MACROD2: variants seen among roughly 807,000 people sequenced by gnomAD.
MACROD2 encodes the protein ADP-ribose glycohydrolase MACROD2.
MACROD2 carries 36 observed loss-of-function variants against 70.4 expected under a neutral mutation model. That is an observed-to-expected ratio of 0.51 (90% CI 0.39 to 0.68). MACROD2 has a LOEUF of 0.68. MACROD2 is among the 30% of genes least tolerant of loss of function. The probability of loss-of-function intolerance (pLI) is 0.00; values close to 1 mark genes in which losing one functional copy is unlikely to be tolerated. For synonymous variants in MACROD2, 172 were observed against 178.8 expected, an observed-to-expected ratio of 0.96 and a Z score of 0.30; for missense variants, 496 against 538.4, an observed-to-expected ratio of 0.92 and a Z score of 0.78.
chr20:15,635,550 A>G (rs2049349998), intron 8 of MACROD2, among the ~76,000 whole-genome samples: 1 of 152,114 alleles, frequency 6.6e-6, no homozygotes, highest in African/African-American at 2.4e-5. Flanking sequence ...GTACTCTTGG[A>G]CATAAAGATG....
chr20:14,525,208 A>G (rs1309883424), intron 4 of MACROD2, among the ~76,000 whole-genome samples: 1 of 152,218 alleles, frequency 6.6e-6, no homozygotes, highest in Non-Finnish European at 1.5e-5. Flanking sequence ...GTATAATAGT[A>G]TTTCCATACA....
intron 6 of MACROD2, among the ~76,000 whole-genome samples, chr20:15,304,433 A>G (rs541708790): frequency 1.3e-5 from 2 of 152,346 alleles, no homozygotes; most frequent in South Asian, 4.1e-4. Context: ...AATAAGGAAC[A>G]TCAGCAAGAC....
intron 3 of MACROD2, among the ~76,000 whole-genome samples, chr20:14,419,615 T>A (rs191327351): frequency 6.6e-5 from 10 of 152,298 alleles, no homozygotes; most frequent in Admixed American, 6.5e-4. Flanking sequence ...TAAAATATTT[T>A]AAAAATGTAC....
intron 8 of MACROD2, among the ~76,000 whole-genome samples, chr20:15,588,919 A>T (rs182295762): frequency 6.6e-6 from 1 of 152,170 alleles, no homozygotes; most frequent in Non-Finnish European, 1.5e-5. Context: ...CCAGTTCCAA[A>T]GTCGCTTCCA....
At chr20:15,778,771 A>G (rs888807772) in intron 8 of MACROD2, among the ~76,000 whole-genome samples, 4 of 152,106 alleles carry the variant, frequency 2.6e-5, no homozygotes, top group African/African-American at 9.7e-5. Flanking sequence ...TTTATTATCT[A>G]TAAACACAGA....
intron 2 of MACROD2, among the ~76,000 whole-genome samples, chr20:14,057,918 G>A (rs1009861030): frequency 6.6e-6 from 1 of 152,102 alleles, no homozygotes; most frequent in Admixed American, 6.6e-5. Context: ...AAATAAACTA[G>A]ACACAAATAC....
chr20:15,199,200 A>T (rs1009241523), intron 5 of MACROD2, among the ~76,000 whole-genome samples: 15 of 151,998 alleles, frequency 9.9e-5, no homozygotes, highest in Non-Finnish European at 1.5e-4. Flanking sequence ...ACAAAAAGTT[A>T]AAAAAGTTAG....
intron 6 of MACROD2, among the ~76,000 whole-genome samples, chr20:15,340,624 G>C (rs755430841): frequency 1.2e-4 from 19 of 152,022 alleles, no homozygotes; most frequent in Non-Finnish European, 2.6e-4. Flanking sequence ...AGCTCTTTCC[G>C]CCAGACTAAC....
At chr20:14,278,274 C>T (rs757546723) in intron 3 of MACROD2, among the ~76,000 whole-genome samples, 6 of 152,158 alleles carry the variant, frequency 3.9e-5, no homozygotes, top group Non-Finnish European at 5.9e-5. Flanking sequence ...TATTCAGATA[C>T]ATACATGGGC....
At chr20:14,634,580 G>A (rs1232919192) in intron 4 of MACROD2, among the ~76,000 whole-genome samples, 2 of 123,632 alleles carry the variant, frequency 1.6e-5, no homozygotes, top group Non-Finnish European at 3.1e-5. Flanking sequence ...TTTCCTATAT[G>A]GTCCTGTCAG....
intron 5 of MACROD2, among the ~76,000 whole-genome samples, chr20:15,123,868 G>A (rs906958688): frequency 2.6e-5 from 4 of 152,082 alleles, no homozygotes; most frequent in African/African-American, 9.7e-5. Flanking sequence ...GTATATGTGT[G>A]TGCACTGGCA....
intron 5 of MACROD2, among the ~76,000 whole-genome samples, chr20:15,130,731 A>G (rs1473848790): frequency 1.3e-5 from 2 of 152,116 alleles, no homozygotes; most frequent in East Asian, 3.9e-4. Flanking sequence ...GGAAGTGTAT[A>G]CTAGAATCCC....
chr20:14,213,384 A>AAAAAAAAAAAC (rs2081587079), intron 3 of MACROD2, among the ~76,000 whole-genome samples: 1 of 149,452 alleles, frequency 6.7e-6, no homozygotes, highest in Non-Finnish European at 1.5e-5. Context: ...AAAAAAAAAA[A>AAAAAAAAAAAC]AAGGCCAATT....
At chr20:15,550,723 A>G (rs2048084071) in intron 8 of MACROD2, among the ~76,000 whole-genome samples, 2 of 152,126 alleles carry the variant, frequency 1.3e-5, no homozygotes, top group Admixed American at 1.3e-4. Context: ...TGACCTTCTA[A>G]TCCTGTTCCC....
intron 8 of MACROD2, among the ~76,000 whole-genome samples, chr20:15,516,322 T>A (rs578006325): frequency 6.6e-6 from 1 of 152,308 alleles, no homozygotes; most frequent in South Asian, 2.1e-4. Context: ...CAGCTTAGAT[T>A]TCATGTGTAA....
chr20:14,638,090 T>C (rs1009009791), intron 4 of MACROD2, among the ~76,000 whole-genome samples: 6 of 152,158 alleles, frequency 3.9e-5, no homozygotes, highest in Admixed American at 3.3e-4. Context: ...CCTTTTTGTG[T>C]TGATGTAGAG....
At chr20:15,351,040 T>C (rs1458262128) in intron 6 of MACROD2, among the ~76,000 whole-genome samples, 6 of 151,878 alleles carry the variant, frequency 4.0e-5, no homozygotes, top group Admixed American at 1.3e-4. Context: ...CTTGTAAATA[T>C]TATTATGGAA....
At chr20:15,139,011 C>T (rs768944331) in intron 5 of MACROD2, among the ~76,000 whole-genome samples, 4 of 152,128 alleles carry the variant, frequency 2.6e-5, no homozygotes, top group Non-Finnish European at 4.4e-5. Context: ...ACCGTAAAAG[C>T]ACCCCTAAAG....
chr20:14,829,560 T>G (rs2122231239), intron 5 of MACROD2, among the ~76,000 whole-genome samples: 1 of 152,132 alleles, frequency 6.6e-6, no homozygotes, highest in Admixed American at 6.6e-5. Flanking sequence ...CTAATGATGA[T>G]TTTTAAGAGT....
Sources: gnomAD v4.1 joint callset for allele counts (sites outside exome capture counted in the v4.1 genomes callset) on GRCh38, gnomAD v4.1.1 for gene constraint, MANE v1.5 for transcripts, NCBI Gene and HGNC (gene_info 2026-07-23, HGNC 2026-07-21) for gene names.